Variants in PCDHA13 observed in about 807,000 individuals in gnomAD.
PCDHA13 encodes protocadherin alpha-13.
A neutral mutation model predicts 64.8 loss-of-function variants in PCDHA13; 54 were observed. That is an observed-to-expected ratio of 0.83 (90% confidence interval 0.67 to 1.04). The LOEUF (loss-of-function observed/expected upper bound fraction) is 1.04, where lower values mean the gene tolerates loss of function less well. PCDHA13 is among the 50% of genes least tolerant of loss of function. The probability of loss-of-function intolerance (pLI) is 0.00; values close to 1 mark genes in which losing one functional copy is unlikely to be tolerated. For missense variants in PCDHA13, 1,248 were observed against 1,254.3 expected (o/e 0.99, Z 0.08); for synonymous variants, 587 against 564.4 (o/e 1.04, Z -0.57).
intron 1 of PCDHA13, among the ~76,000 whole-genome samples, chr5:140,910,040 G>C (rs552041915): frequency 1.3e-5 from 2 of 152,276 alleles, no homozygotes; most frequent in South Asian, 4.2e-4. Context: ...AATCCCACTT[G>C]GTCATAATAA....
At chr5:140,910,213 G>C (rs1375224674) in intron 1 of PCDHA13, among the ~76,000 whole-genome samples, 1 of 152,170 alleles carries the variant, frequency 6.6e-6, no homozygotes, top group African/African-American at 2.4e-5. Flanking sequence ...TGACCTGGAA[G>C]TTTTCTGCTT....
chr5:140,900,912 A>AGAT (rs553485999), intron 1 of PCDHA13, among the ~76,000 whole-genome samples: 1 of 152,198 alleles, frequency 6.6e-6, no homozygotes, highest in Non-Finnish European at 1.5e-5. Context: ...AACTGTGGTA[A>AGAT]GATGATATCT....
chr5:140,918,406 G>A (rs1382905411), intron 1 of PCDHA13, among the ~76,000 whole-genome samples: 2 of 152,076 alleles, frequency 1.3e-5, no homozygotes, highest in Non-Finnish European at 2.9e-5. Context: ...GATTTCTCTG[G>A]CCAGGACTTC....
intron 1 of PCDHA13, chr5:140,927,477 G>A: frequency 6.2e-7 from 1 of 1,614,118 alleles, no homozygotes; most frequent in Non-Finnish European, 8.5e-7. Flanking sequence ...ATCGCGAACA[G>A]CGCGCCACCC....
chr5:140,968,823 A>G (rs569036779), intron 1 of PCDHA13: 3 of 1,614,192 alleles, frequency 1.9e-6, no homozygotes, highest in Non-Finnish European at 2.5e-6. Context: ...AGGGTTTCCA[A>G]AATCCTCCCT....
chr5:140,927,734 G>A, intron 1 of PCDHA13: 1 of 1,614,196 alleles, frequency 6.2e-7, no homozygotes, highest in Non-Finnish European at 8.5e-7. Context: ...GCAGAGCTGC[G>A]ACACCGCTTT....
intron 1 of PCDHA13, among the ~76,000 whole-genome samples, chr5:140,886,252 C>G (rs1368508838): frequency 6.6e-6 from 1 of 151,858 alleles, no homozygotes; most frequent in Non-Finnish European, 1.5e-5. Flanking sequence ...ATAAAAGTAT[C>G]TCTATTTATA....
At chr5:140,968,639 G>T (rs1278507600) in intron 1 of PCDHA13, 1 of 1,614,150 alleles carries the variant, frequency 6.2e-7, no homozygotes, top group Non-Finnish European at 8.5e-7. Context: ...TTACCATCTA[G>T]CCCAGACTTC....
chr5:140,928,280 C>A, intron 1 of PCDHA13: 1 of 1,614,194 alleles, frequency 6.2e-7, no homozygotes, highest in Non-Finnish European at 8.5e-7. Context: ...CCTGGGGCCT[C>A]TCTAGGCCGA....
chr5:140,884,166 C>A lies in PCDHA13; in HGVS notation c.1898C>A (p.Thr633Lys). 1 of 1,613,430 alleles carries A rather than the reference C, an allele frequency of 6.2e-7. No homozygotes were observed. Among genetic ancestry groups the A allele is most frequent in the Non-Finnish European group, 8.5e-7 (1 of 1,179,736 alleles). ...RVGLYTGEIS[T>K]TRPLDEVDAP... Reference sequence around the variant, plus strand: ...GGGCTGTACACTGGCGAGATCAGCACGACGCGCCCTCTGGACGAGGTGGAC... The same window carrying A: ...GGGCTGTACACTGGCGAGATCAGCAAGACGCGCCCTCTGGACGAGGTGGAC... The change falls in exon 1 of 4, where the codon ACG (threonine) becomes AAG (lysine). Residue 633 changes from threonine (T) to lysine (K), a missense_variant. Physicochemically the swap from Thr to Lys is moderately conservative, Grantham distance 78. Transcript: ENST00000289272.
At chr5:140,926,861 G>T in intron 1 of PCDHA13, 1 of 1,522,578 alleles carries the variant, frequency 6.6e-7, no homozygotes, top group Non-Finnish European at 8.8e-7. Flanking sequence ...TTGGTGTAGC[G>T]TGTTGGTGGA....
chr5:140,884,385 C>T lies in PCDHA13; in HGVS notation c.2117C>T (p.Ala706Val), dbSNP rs1554181508. Residue 706 changes from alanine (A) to valine (V), a missense_variant, in exon 1 of 4, where the codon GCG (alanine) becomes GTG (valine). Physicochemically the swap from Ala to Val is moderately conservative, Grantham distance 64. Transcript: ENST00000289272. Reference sequence around the variant, plus strand: ...GTTTACTTGATCATTGCCATCTGCGCGGTGTCCAGCCTGTTGGTGCTCACG... The same window carrying T: ...GTTTACTTGATCATTGCCATCTGCGTGGTGTCCAGCCTGTTGGTGCTCACG... ...VNVYLIIAICAVSSLLVLTLL... is the reference protein window; with the variant it reads ...VNVYLIIAICVVSSLLVLTLL... 6.2e-7 allele frequency: 1 copy of T among 1,613,992 alleles called. No homozygotes were observed. The highest frequency in any genetic ancestry group is 8.5e-7 in the Non-Finnish European group (1 of 1,179,888).
chr5:140,969,354 T>G, intron 1 of PCDHA13: 1 of 1,612,552 alleles, frequency 6.2e-7, no homozygotes. Context: ...TCAGGGGGTC[T>G]TCTACAAACT....
chr5:141,009,948 T>C lies in PCDHA13; in HGVS notation c.*11T>C, dbSNP rs201131092. 1 of 1,595,948 alleles carries C rather than the reference T, an allele frequency of 6.3e-7. No individual in the cohort carries two copies. The highest frequency in any genetic ancestry group is 1.4e-5 in the African/African-American group (1 of 73,610). On this transcript the variant is annotated 3_prime_UTR_variant, in exon 4 of 4. Coordinates refer to ENST00000289272, the MANE Select transcript of PCDHA13 (RefSeq NM_018904.3). ...AACAGTGACCAGTGAGGTCCTCAAA[T>C]GGAAACAAGCCACTTAGCCAGTTTT...
intron 2 of PCDHA13, among the ~76,000 whole-genome samples, chr5:140,980,093 G>A (rs1223807762): frequency 2.0e-5 from 3 of 152,166 alleles, no homozygotes; most frequent in South Asian, 2.1e-4. Context: ...AGTTGGCTTG[G>A]TAAGATGTCA....
chr5:140,882,698 G>T lies in PCDHA13; in HGVS notation c.430G>T (p.Glu144Ter). The T allele has an allele frequency of 6.2e-7, 1 of 1,614,200 alleles. No homozygotes were observed. The highest frequency in any genetic ancestry group is 8.5e-7 in the Non-Finnish European group (1 of 1,180,036). ...AAGCAAGAAACGAATAATCATTGCA[G>T]AATCTAGACCTCCGGAAACTCGATT... ...PESKKRIIIA[E>*]SRPPETRFPL... The change falls in exon 1 of 4, where the codon GAA becomes TAA. Residue 144 changes from glutamate to a stop codon, truncating the protein, a stop_gained. Coordinates refer to ENST00000289272, the MANE Select transcript of PCDHA13 (RefSeq NM_018904.3). LOFTEE classifies it high-confidence loss of function.
At position 140,882,644 on chromosome 5, in the gene PCDHA13, A is replaced by G. The variant is rs368491324; in HGVS notation, c.376A>G (p.Ile126Val). ...CCATGTGGAGGTGAAGGTGAGGGAC[A>G]TTAACGACAACCCGCCCATATTCCC... Reference protein sequence around the residue: ...VFHVEVKVRDINDNPPIFPES... With the variant: ...VFHVEVKVRDVNDNPPIFPES... The change falls in exon 1 of 4, where the codon ATT becomes GTT. Residue 126 changes from isoleucine to valine, a missense_variant. Physicochemically the swap from Ile to Val is conservative, Grantham distance 29. Coordinates refer to ENST00000289272, the MANE Select transcript of PCDHA13 (RefSeq NM_018904.3). 1.9e-6 allele frequency: 3 copies of G among 1,614,138 alleles called. No homozygotes were observed. Among genetic ancestry groups the G allele is most frequent in the Admixed American group, 1.7e-5 (1 of 60,010 alleles).
At chr5:140,971,322 A>G (rs1344853773) in intron 1 of PCDHA13, among the ~76,000 whole-genome samples, 6 of 152,224 alleles carry the variant, frequency 3.9e-5, no homozygotes, top group Admixed American at 3.9e-4. Context: ...TCTAGGGAGA[A>G]AATTATTTCA....
chr5:140,972,322 T>C (rs2096531924), intron 1 of PCDHA13, among the ~76,000 whole-genome samples: 1 of 151,968 alleles, frequency 6.6e-6, no homozygotes, highest in African/African-American at 2.4e-5. Context: ...AGGTGTTTTT[T>C]TTTTTTGGAA....
Sources: allele counts gnomAD v4.1 joint callset (sites outside exome capture counted in the v4.1 genomes callset), GRCh38; gene constraint gnomAD v4.1.1; transcripts MANE v1.5; gene names NCBI Gene and HGNC (gene_info 2026-07-23, HGNC 2026-07-21).